Variants in CFTR observed in about 807,000 individuals in gnomAD.
The protein encoded by CFTR is cystic fibrosis transmembrane conductance regulator.
Under a neutral mutation model 171.6 loss-of-function variants are expected in CFTR, and 181 were observed. The observed-to-expected ratio is 1.05, with a 90% CI of 0.93 to 1.19. CFTR has a LOEUF of 1.19. CFTR is among the 50% of genes most tolerant of loss of function. The pLI is 0.00. For synonymous variants in CFTR, 583 were observed against 608.0 expected (o/e 0.96, Z 0.60); for missense variants, 1,968 against 1,734.7 (o/e 1.13, Z -2.39).
chr7:117,531,674 A>C (rs976481494), intron 4 of CFTR, among the ~76,000 whole-genome samples: 1 of 152,122 alleles, frequency 6.6e-6, no homozygotes, highest in Non-Finnish European at 1.5e-5. Flanking sequence ...GCTTTTCTGC[A>C]TGTATTGTCC....
intron 22 of CFTR, among the ~76,000 whole-genome samples, chr7:117,640,539 C>G (rs34674313): frequency 0.036 from 5,537 of 152,156 alleles, 136 homozygotes; most frequent in African/African-American, 0.047. Flanking sequence ...GCACTTCTTA[C>G]CAAAATTCTT....
intron 15 of CFTR, among the ~76,000 whole-genome samples, chr7:117,602,159 AGTAGTTGGGATCACAGGT>A (rs1792236549): frequency 6.6e-6 from 1 of 152,116 alleles, no homozygotes; most frequent in African/African-American, 2.4e-5. Flanking sequence ...CGGCCACCTG[AGTAGTTGGGATCACAGGT>A]GTACACCACC....
intron 1 of CFTR, among the ~76,000 whole-genome samples, chr7:117,483,378 A>G (rs1421601389): frequency 1.3e-5 from 2 of 152,182 alleles, no homozygotes. Flanking sequence ...TAAAAATTAT[A>G]TTACCCAGAC....
intron 15 of CFTR, among the ~76,000 whole-genome samples, chr7:117,597,032 T>C (rs1238902833): frequency 6.6e-6 from 1 of 152,154 alleles, no homozygotes; most frequent in African/African-American, 2.4e-5. Flanking sequence ...ATCAGCAGGA[T>C]GTGGGTGGGG....
chr7:117,541,523 C>T (rs1284910044), intron 8 of CFTR, among the ~76,000 whole-genome samples: 1 of 152,172 alleles, frequency 6.6e-6, no homozygotes, highest in African/African-American at 2.4e-5. Context: ...TCTAATAGAG[C>T]CCTTCTTTTA....
At chr7:117,480,515 T>C (rs1479498645) in intron 1 of CFTR, among the ~76,000 whole-genome samples, 1 of 152,216 alleles carries the variant, frequency 6.6e-6, no homozygotes. Context: ...GGACACTTGA[T>C]TGTCTTCTTG....
At chr7:117,644,269 T>C (rs1039129859) in intron 23 of CFTR, among the ~76,000 whole-genome samples, 9 of 152,122 alleles carry the variant, frequency 5.9e-5, no homozygotes, top group South Asian at 2.1e-4. Context: ...TTGTGACAAA[T>C]TTTGAACATT....
At position 117,664,682 on chromosome 7, in the gene CFTR, C is replaced by T. The variant is rs1357128849; in HGVS notation, c.3964-6C>T. The T allele has an allele frequency of 1.6e-5, 26 of 1,613,244 alleles. No homozygotes were observed. Among genetic ancestry groups the T allele is most frequent in the Non-Finnish European group, 2.2e-5 (26 of 1,179,390 alleles). ...GTGGTATCTGAACTATCTTCTCTAA[C>T]TGCAGGTTGGGCTCAGATCTGTGAT... On this transcript the variant is annotated splice_polypyrimidine_tract_variant and splice_region_variant and intron_variant, in intron 24 of 26. Coordinates refer to ENST00000003084, the MANE Select transcript of CFTR (RefSeq NM_000492.4).
chr7:117,655,141 A>G (rs761573243), intron 24 of CFTR, among the ~76,000 whole-genome samples: 3 of 152,188 alleles, frequency 2.0e-5, no homozygotes, highest in Non-Finnish European at 4.4e-5. Flanking sequence ...ATCTTTCACA[A>G]TATGGATAGG....
At position 117,664,527 on chromosome 7, in the gene CFTR, A is replaced by G. The variant is rs570023407; in HGVS notation, c.3964-161A>G. On this transcript the variant is annotated intron_variant, in intron 24 of 26. Transcript: ENST00000003084. ...TTCTTTTGAGCTGTCAAGGTTGTAAATAGACTTTTGCTCAATCAATTCAAA... is the reference window on the plus strand; with the variant it reads ...TTCTTTTGAGCTGTCAAGGTTGTAAGTAGACTTTTGCTCAATCAATTCAAA... 7.2e-5 allele frequency among the ~76,000 whole-genome samples: 11 copies of G among 152,340 alleles called. No individual in the cohort carries two copies. In the South Asian group the frequency reaches 1.2e-3, roughly 17 times the overall value.
chr7:117,500,286 T>A (rs1798301902), intron 1 of CFTR, among the ~76,000 whole-genome samples: 1 of 112,094 alleles, frequency 8.9e-6, no homozygotes, highest in South Asian at 2.7e-4. Context: ...TTCTTTTTTT[T>A]TTTTTTTTTT....
chr7:117,509,884 A>G (rs769876890), intron 3 of CFTR, among the ~76,000 whole-genome samples: 5 of 152,142 alleles, frequency 3.3e-5, no homozygotes, highest in Non-Finnish European at 5.9e-5. Flanking sequence ...GCTGTGCACA[A>G]TATTTGCTTT....
chr7:117,555,773 C>T (rs1799342632), intron 10 of CFTR, among the ~76,000 whole-genome samples: 1 of 152,160 alleles, frequency 6.6e-6, no homozygotes, highest in South Asian at 2.1e-4. Context: ...ACCATCAGTG[C>T]AGCTATGCCA....
intron 21 of CFTR, among the ~76,000 whole-genome samples, chr7:117,625,979 T>C (rs1245717602): frequency 6.6e-6 from 1 of 152,150 alleles, no homozygotes; most frequent in Non-Finnish European, 1.5e-5. Context: ...ACTATATGCC[T>C]TTTACTTTCT....
At chr7:117,578,331 A>G (rs1224659840) in intron 11 of CFTR, among the ~76,000 whole-genome samples, 1 of 152,042 alleles carries the variant, frequency 6.6e-6, no homozygotes, top group Non-Finnish European at 1.5e-5. Flanking sequence ...TAGTACATAC[A>G]TTTCTTTTTC....
intron 1 of CFTR, among the ~76,000 whole-genome samples, chr7:117,494,801 A>C (rs1798213304): frequency 6.6e-6 from 1 of 152,124 alleles, no homozygotes; most frequent in African/African-American, 2.4e-5. Flanking sequence ...TCCTTATATC[A>C]CTCATGTGAT....
At chr7:117,640,331 T>C (rs1188023919) in intron 22 of CFTR, among the ~76,000 whole-genome samples, 1 of 152,142 alleles carries the variant, frequency 6.6e-6, no homozygotes, top group Non-Finnish European at 1.5e-5. Context: ...TTCAATGATA[T>C]AAGGAAACCA....
chr7:117,521,983 C>A (rs551540071), intron 3 of CFTR, among the ~76,000 whole-genome samples: 24 of 152,222 alleles, frequency 1.6e-4, no homozygotes, highest in African/African-American at 5.3e-4. Flanking sequence ...TCTACAATAA[C>A]TTTGAAGCTC....
chr7:117,509,179 T>C (rs375214586), intron 3 of CFTR, 37 bp downstream of exon 3: 2 of 1,142,286 alleles, frequency 1.8e-6, no homozygotes, highest in Non-Finnish European at 2.7e-6. Context: ...ATGTATCACA[T>C]AACTATATTC....
Sources: gnomAD v4.1 joint callset for allele counts (sites outside exome capture counted in the v4.1 genomes callset) on GRCh38, gnomAD v4.1.1 for gene constraint, MANE v1.5 for transcripts, NCBI Gene and HGNC (gene_info 2026-07-23, HGNC 2026-07-21) for gene names.